Variants in KNG1 observed in about 807,000 individuals in gnomAD.
The protein encoded by KNG1 is kininogen 1, also known as kininogen-1.
A neutral mutation model predicts 47.8 loss-of-function variants in KNG1; 23 were observed. That is an observed-to-expected ratio of 0.48 (90% CI 0.35 to 0.68). KNG1 has a LOEUF of 0.68. Among genes scored for constraint, KNG1 ranks in the 30% least tolerant of loss-of-function variants. KNG1 has a pLI of 0.01. For missense variants in KNG1, 762 were observed against 790.2 expected (o/e 0.96, Z 0.43); for synonymous variants, 277 against 277.0 (o/e 1.00, Z 0.00).
intron 4 of KNG1, among the ~76,000 whole-genome samples, chr3:186,725,870 C>T (rs1369498793): frequency 6.8e-6 from 1 of 147,008 alleles, no homozygotes; most frequent in South Asian, 2.2e-4. Flanking sequence ...CTAAAATGGT[C>T]GGCATGGCTT....
At chr3:186,724,265 C>T (rs552161077) in intron 3 of KNG1, among the ~76,000 whole-genome samples, 3 of 152,280 alleles carry the variant, frequency 2.0e-5, no homozygotes, top group South Asian at 2.1e-4. Flanking sequence ...TGGCAGGCAG[C>T]GAGAGCTCTG....
intron 4 of KNG1, 88 bp from the exon 5 acceptor site, chr3:186,727,149 C>A: frequency 1.1e-6 from 1 of 931,130 alleles, no homozygotes. Flanking sequence ...TATTGCCACA[C>A]TGTTTTCTAA....
At chr3:186,725,326 T>G (rs1720328907) in intron 4 of KNG1, 66 bp downstream of exon 4, 1 of 1,460,288 alleles carries the variant, frequency 6.8e-7, no homozygotes, top group Non-Finnish European at 9.6e-7. Flanking sequence ...ACATTTAAAA[T>G]GTATGATTGC....
chr3:186,726,700 C>A (rs764763096), intron 4 of KNG1, among the ~76,000 whole-genome samples: 1 of 152,132 alleles, frequency 6.6e-6, no homozygotes, highest in Non-Finnish European at 1.5e-5. Flanking sequence ...TTACAACTTG[C>A]TTTCATGCGA....
In KNG1 at chr3:186,736,039, G is replaced by A. The variant is rs188343187; in HGVS notation, c.931-3060G>A. On this transcript the variant is annotated intron_variant, in intron 7 of 9. Coordinates refer to ENST00000644859, the MANE Select transcript of KNG1 (RefSeq NM_001102416.3). ...AACAGAACCACTCATTCTCAAGCAT[G>A]AATATCTAGTCTTCTTAGTAGTTAC... The A allele has an allele frequency of 4.6e-5, 7 of 152,280 alleles. No individual in the cohort carries two copies. The East Asian group carries it at 1.2e-3, about 25-fold the overall frequency. The allele number at this position is 152,280 out of a possible 1,614,324, so 9.4% of individuals were successfully genotyped here.
In KNG1 at chr3:186,742,979, G is replaced by GCCCC; in HGVS notation, c.*648_*649insCCCC. The GCCCC allele has an allele frequency of 1.4e-6, 1 of 721,918 alleles. No individual in the cohort carries two copies. The highest frequency in any genetic ancestry group is 1.7e-6 in the Non-Finnish European group (1 of 589,400). The allele number at this position is 721,918 out of a possible 1,614,324, so 44.7% of individuals were successfully genotyped here. A position where few individuals can be genotyped will look rare whatever the true frequency, so the allele number is the denominator to read the frequency against. On this transcript the variant is annotated 3_prime_UTR_variant, in exon 10 of 10. Coordinates refer to ENST00000644859, the MANE Select transcript of KNG1 (RefSeq NM_001102416.3). ...GGTTGGCCAAAGGGAGGAAAGGGGG[G>GCCCC]ACATAAATTAATTGACTTTCTATTC...
rs145150298 is a variant in KNG1 at position 186,732,537 on chromosome 3, G to A, written c.793G>A (p.Val265Met). The change falls in exon 7 of 10, where the codon GTG becomes ATG. Residue 265 changes from valine (V) to methionine (M), a missense_variant. Val to Met is a conservative substitution (Grantham distance 21, BLOSUM62 1). Coordinates refer to ENST00000644859, the MANE Select transcript of KNG1 (RefSeq NM_001102416.3). ...DFVQPPTKIC[V>M]GCPRDIPTNS... is the part of the protein sequence containing the mutation. ...TGTACAACCACCTACCAAGATTTGC[G>A]TGGGCTGCCCCAGAGATATACCCAC... 347 of 1,614,138 alleles carry A rather than the reference G, an allele frequency of 2.1e-4. 1 individual carries two copies. Among genetic ancestry groups the A allele is most frequent in the Admixed American group, 1.3e-3 (80 of 60,000 alleles).
intron 9 of KNG1, 148 bp downstream of exon 9, chr3:186,739,562 C>G: frequency 8.4e-6 from 6 of 710,924 alleles, no homozygotes; most frequent in Non-Finnish European, 1.6e-5. Context: ...GTGCTGATCT[C>G]TGTTTAATGG....
chr3:186,743,759 C>T lies in KNG1; in HGVS notation c.*1428C>T, dbSNP rs751371016. On this transcript the variant is annotated 3_prime_UTR_variant, in exon 10 of 10. Coordinates refer to ENST00000644859, the MANE Select transcript of KNG1 (RefSeq NM_001102416.3). ...TCGACCCCCAAAGGCAGGGGCAGAGCCAGCATCTGAGAGGGAGGTCTCTTG... is the reference window on the plus strand; with the variant it reads ...TCGACCCCCAAAGGCAGGGGCAGAGTCAGCATCTGAGAGGGAGGTCTCTTG... The T allele has an allele frequency of 2.8e-5, 45 of 1,613,916 alleles. No homozygotes were observed. The highest frequency in any genetic ancestry group is 3.7e-5 in the Non-Finnish European group (44 of 1,179,936).
At chr3:186,720,059 G>A (rs1274279776) in intron 1 of KNG1, 46 bp from the exon 2 acceptor site, 2 of 1,220,150 alleles carry the variant, frequency 1.6e-6, no homozygotes, top group East Asian at 2.3e-5. Flanking sequence ...ATTATTTGCT[G>A]TTGGGTCAGT....
rs1457309421 is a variant in KNG1, at chr3:186,741,858, G to C, written c.1462G>C (p.Gly488Arg). 6.2e-7 allele frequency: 1 copy of C among 1,613,788 alleles called. No individual in the cohort carries two copies. The highest frequency in any genetic ancestry group is 1.1e-5 in the South Asian group (1 of 91,036). ...KLDDDLEHQGGHVLDHGHKHK... is the reference protein window; with the variant it reads ...KLDDDLEHQGRHVLDHGHKHK... ...TGATGATGATCTTGAACACCAAGGG[G>C]GCCATGTCCTTGACCATGGACATAA... The change falls in exon 10 of 10, where the codon GGC (glycine) becomes CGC (arginine). Residue 488 changes from glycine (G) to arginine (R), a missense_variant. Coordinates refer to ENST00000644859, the MANE Select transcript of KNG1 (RefSeq NM_001102416.3).
chr3:186,742,209 G>C lies in KNG1; in HGVS notation c.1813G>C (p.Asp605His), dbSNP rs1355078488. The change falls in exon 10 of 10, where the codon GAT becomes CAT. Residue 605 changes from aspartate to histidine, a missense_variant. Physicochemically the swap from Asp to His is moderately conservative, Grantham distance 81. Transcript: ENST00000644859. Reference protein sequence around the residue: ...PNGLSFNPISDFPDTTSPKCP... With the variant: ...PNGLSFNPISHFPDTTSPKCP... Reference sequence around the variant, plus strand: ...TGGCCTTTCATTTAACCCAATATCAGATTTTCCAGACACGACCTCCCCAAA... The same window carrying C: ...TGGCCTTTCATTTAACCCAATATCACATTTTCCAGACACGACCTCCCCAAA... 2 of 1,614,126 alleles carry C rather than the reference G, an allele frequency of 1.2e-6. No individual in the cohort carries two copies. The highest frequency in any genetic ancestry group is 1.7e-6 in the Non-Finnish European group (2 of 1,180,034).
At chr3:186,731,722 G>C in intron 6 of KNG1, 93 bp downstream of exon 6, 1 of 785,114 alleles carries the variant, frequency 1.3e-6, no homozygotes, top group Non-Finnish European at 2.3e-6. Context: ...TTTGGTTCCC[G>C]TGATATACTC....
At chr3:186,733,447 T>C (rs4686799) in intron 7 of KNG1, among the ~76,000 whole-genome samples, 117,442 of 151,832 alleles carry the variant, frequency 0.77, 45,472 homozygotes, top group Middle Eastern at 0.87. Context: ...GTCTTTCACC[T>C]ACTGTTCTCT....
At chr3:186,730,723 CACACACATATATATAT>C (rs1327502560) in intron 5 of KNG1, among the ~76,000 whole-genome samples, 6 of 115,642 alleles carry the variant, frequency 5.2e-5, no homozygotes, top group African/African-American at 2.0e-4. Flanking sequence ...TATACACACA[CACACACATATATATAT>C]ACACATATAT....
chr3:186,725,568 A>G (rs1333552648), intron 4 of KNG1, among the ~76,000 whole-genome samples: 7 of 32,912 alleles, frequency 2.1e-4, no homozygotes, highest in Non-Finnish European at 3.8e-4. Flanking sequence ...TTTTTGAGAC[A>G]GAGTCTCTCT....
At chr3:186,730,145 GTTA>G (rs1720474381) in intron 5 of KNG1, among the ~76,000 whole-genome samples, 1 of 129,328 alleles carries the variant, frequency 7.7e-6, no homozygotes, top group Non-Finnish European at 1.7e-5. Context: ...TCTCATTTTT[GTTA>G]TTTTGTTTTT....
At chr3:186,734,141 T>C (rs978148007) in intron 7 of KNG1, among the ~76,000 whole-genome samples, 3 of 152,168 alleles carry the variant, frequency 2.0e-5, no homozygotes, top group African/African-American at 7.2e-5. Context: ...CCTCATAATC[T>C]GGTGAAAAAA....
intron 3 of KNG1, among the ~76,000 whole-genome samples, chr3:186,724,318 C>T (rs1296335339): frequency 1.3e-5 from 2 of 152,178 alleles, no homozygotes; most frequent in Non-Finnish European, 2.9e-5. Flanking sequence ...TCCAGGTGTG[C>T]CACTCACTCT....
Sources: gnomAD v4.1 joint callset for allele counts (sites outside exome capture counted in the v4.1 genomes callset) on GRCh38, gnomAD v4.1.1 for gene constraint, MANE v1.5 for transcripts, NCBI Gene and HGNC (gene_info 2026-07-23, HGNC 2026-07-21) for gene names.